Variants in CUBN observed in about 807,000 individuals in gnomAD.
CUBN encodes the protein cubilin.
A neutral mutation model predicts 405.3 loss-of-function variants in CUBN; 282 were observed. That is an observed-to-expected ratio of 0.70 (90% CI 0.63 to 0.77). CUBN has a LOEUF of 0.77. Ranked by LOEUF, CUBN falls within the 30% of genes least tolerant of loss-of-function variation. CUBN has a pLI of 0.00. For synonymous variants in CUBN, 1,684 were observed against 1,617.0 expected (o/e 1.04, Z -0.99); for missense variants, 4,514 against 4,475.2 (o/e 1.01, Z -0.25).
chr10:16,857,580 G>A (rs1839898082), intron 59 of CUBN, among the ~76,000 whole-genome samples: 1 of 152,154 alleles, frequency 6.6e-6, no homozygotes, highest in African/African-American at 2.4e-5. Context: ...AAAATGACAT[G>A]ATCATGTCAG....
chr10:17,123,755 G>T, intron 4 of CUBN, 66 bp from the exon 5 acceptor site: 3 of 1,042,596 alleles, frequency 2.9e-6, no homozygotes, highest in South Asian at 1.3e-5. Flanking sequence ...GCATGTTACC[G>T]TGCACGTGGG....
At position 17,047,577 on chromosome 10, in the gene CUBN, A is replaced by C; in HGVS notation, c.3166T>G (p.Leu1056Val). 1 of 1,614,108 alleles carries C rather than the reference A, an allele frequency of 6.2e-7. No individual in the cohort carries two copies. The highest frequency in any genetic ancestry group is 8.5e-7 in the Non-Finnish European group (1 of 1,179,976). The change falls in exon 23 of 67, where the codon TTG becomes GTG. Residue 1056 changes from leucine (L) to valine (V), a missense_variant. Physicochemically the swap from Leu to Val is conservative, Grantham distance 32. Coordinates refer to ENST00000377833, the MANE Select transcript of CUBN (RefSeq NM_001081.4). ...TACLQDYTDD[L>V]GTFTSPNFPN... ...AAGTTTGGAGAAGTGAATGTCCCCAAATCATCTGTGTAGTCTTGCAAACAT... is the reference window on the plus strand; with the variant it reads ...AAGTTTGGAGAAGTGAATGTCCCCACATCATCTGTGTAGTCTTGCAAACAT...
Position 16,831,333 on chromosome 10 carries a change from T to C in CUBN, c.10447A>G (p.Asn3483Asp). ...CTCTTAAATCGTAGGTATAGTTCAT[T>C]ATTTTGAGAGAAGACAGGGTTTGGC... ...LLPNPVFSQN[N>D]ELYLRFKSDS... is the part of the protein sequence containing the mutation. The change falls in exon 65 of 67, where the codon AAT becomes GAT. Residue 3483 changes from asparagine to aspartate, a missense_variant. Asn to Asp is a conservative substitution (Grantham distance 23, BLOSUM62 1). Transcript: ENST00000377833. The C allele has an allele frequency of 6.2e-7, 1 of 1,614,050 alleles. No individual in the cohort carries two copies.
rs780803536 is a variant in CUBN, at chr10:17,109,687, A to G, written c.1064T>C (p.Val355Ala). 1 of 1,613,952 alleles carries G rather than the reference A, an allele frequency of 6.2e-7. No individual in the cohort carries two copies. Residue 355 changes from valine (V) to alanine (A), a missense_variant, in exon 10 of 67, where the codon GTC (valine) becomes GCC (alanine). Around this residue, in one of 5 missense-constraint regions of CUBN, gnomAD observed 1,448 missense variants for 1,388.0 expected, o/e 1.04. Coordinates refer to ENST00000377833, the MANE Select transcript of CUBN (RefSeq NM_001081.4). ...ATCTGGGTGGCAGCCTCCATTACTGACTGAGCAGATGTCTGTGAGTGTGCA... is the reference window on the plus strand; with the variant it reads ...ATCTGGGTGGCAGCCTCCATTACTGGCTGAGCAGATGTCTGTGAGTGTGCA... Reference protein sequence around the residue: ...RVCTLTDICSVSNGGCHPDAS... With the variant: ...RVCTLTDICSASNGGCHPDAS...
intron 17 of CUBN, among the ~76,000 whole-genome samples, chr10:17,082,554 A>G (rs1835996592): frequency 6.6e-6 from 1 of 152,184 alleles, no homozygotes; most frequent in Non-Finnish European, 1.5e-5. Context: ...GCTTTAACAG[A>G]AAGGGCCCCA....
chr10:17,121,709 T>TA (rs915679285), intron 6 of CUBN, among the ~76,000 whole-genome samples: 26 of 151,772 alleles, frequency 1.7e-4, no homozygotes, highest in African/African-American at 4.3e-4. Context: ...TAATAAAATT[T>TA]AAAAAAAATA....
intron 40 of CUBN, among the ~76,000 whole-genome samples, chr10:16,932,074 G>A (rs1054546359): frequency 2.0e-5 from 3 of 152,124 alleles, no homozygotes; most frequent in Non-Finnish European, 2.9e-5. Context: ...GCTGATAGCC[G>A]ATTGCTGATG....
rs916715412 is a variant in CUBN, at chr10:16,876,265, C to G, written c.9106+632G>C. Among the ~76,000 whole-genome samples the G allele has an allele frequency of 3.3e-5, 5 of 152,138 alleles. No individual in the cohort carries two copies. In the East Asian group the frequency reaches 9.6e-4, roughly 29 times the overall value. On this transcript the variant is annotated intron_variant, in intron 57 of 66. Transcript: ENST00000377833. ...GCATAAATATTGTCAGCAAACTAAC[C>G]AGGCAGGAGGGGAAAAGACTATTCA... is the stretch of plus-strand genomic sequence containing the variant.
chr10:17,108,487 T>C (rs2131305822), intron 10 of CUBN, among the ~76,000 whole-genome samples: 1 of 152,176 alleles, frequency 6.6e-6, no homozygotes, highest in Admixed American at 6.5e-5. Context: ...TATCTTGAAA[T>C]AGCAAGAGAC....
chr10:16,908,578 T>C (rs1841624536), intron 48 of CUBN, among the ~76,000 whole-genome samples: 1 of 152,220 alleles, frequency 6.6e-6, no homozygotes, highest in African/African-American at 2.4e-5. Flanking sequence ...TTTCCAATAA[T>C]GGATTATTAT....
Position 17,084,285 on chromosome 10 carries a change from G to A in CUBN, c.2287C>T (p.Gln763Ter), listed in dbSNP as rs765333104. 6.2e-7 allele frequency: 1 copy of A among 1,614,018 alleles called. No homozygotes were observed. The highest frequency in any genetic ancestry group is 8.5e-7 in the Non-Finnish European group (1 of 1,180,000). The stretch of plus-strand genomic sequence containing the variant: ...GTGAAAGTTACCTCAATGTAATTCT[G>A]AGAACTGTCACTCTGGCATTGCAGC... ...VELQCQSDSSQNYIEVRDGET... is the reference protein window; with the variant it reads ...VELQCQSDSS The change falls in exon 17 of 67, where the codon CAG becomes TAG. Residue 763 changes from glutamine to a stop codon, truncating the protein, a stop_gained. Transcript: ENST00000377833. LOFTEE classifies it high-confidence loss of function.
At chr10:16,831,219 A>G (rs1176100182) in intron 65 of CUBN, 33 bp downstream of exon 65, 1 of 1,606,070 alleles carries the variant, frequency 6.2e-7, no homozygotes, top group South Asian at 1.1e-5. Flanking sequence ...TTTTTCTCAC[A>G]GTGCTTTCCT....
Position 17,048,029 on chromosome 10 carries a change from G to A in CUBN, c.3140-426C>T, listed in dbSNP as rs148304472. 1.1e-4 allele frequency among the ~76,000 whole-genome samples: 17 copies of A among 152,286 alleles called. No individual in the cohort carries two copies. In the East Asian group the frequency reaches 2.5e-3, roughly 22 times the overall value. ...ATGACAAAGCAGGTACCTCCACCACGGGGTGAAGAATAAGGGCCCAGGCTC... is the reference window on the plus strand; with the variant it reads ...ATGACAAAGCAGGTACCTCCACCACAGGGTGAAGAATAAGGGCCCAGGCTC... On this transcript the variant is annotated intron_variant, in intron 22 of 66. Transcript: ENST00000377833.
chr10:17,074,522 C>T (rs1033492412), intron 17 of CUBN, among the ~76,000 whole-genome samples: 1 of 152,164 alleles, frequency 6.6e-6, no homozygotes, highest in Non-Finnish European at 1.5e-5. Flanking sequence ...ATATTAAGCG[C>T]AAAGTAGTTT....
chr10:17,103,335 A>G, intron 12 of CUBN, 98 bp from the exon 13 acceptor site: 3 of 770,768 alleles, frequency 3.9e-6, no homozygotes, highest in Non-Finnish European at 6.9e-6. Context: ...AGAAAATTTG[A>G]GTAATGAAGG....
intron 33 of CUBN, among the ~76,000 whole-genome samples, chr10:16,950,347 G>A (rs1307671508): frequency 6.6e-6 from 1 of 152,148 alleles, no homozygotes; most frequent in Non-Finnish European, 1.5e-5. Flanking sequence ...AATGCTTGAA[G>A]GGATGGATAC....
At chr10:17,057,568 C>T (rs1588616024) in intron 22 of CUBN, among the ~76,000 whole-genome samples, 1 of 152,084 alleles carries the variant, frequency 6.6e-6, no homozygotes, top group East Asian at 1.9e-4. Context: ...CATATCATTA[C>T]CATATGAGAC....
At chr10:17,067,414 GA>G (rs1166419007) in intron 21 of CUBN, among the ~76,000 whole-genome samples, 1 of 152,048 alleles carries the variant, frequency 6.6e-6, no homozygotes, top group Non-Finnish European at 1.5e-5. Flanking sequence ...CATTGCATAA[GA>G]AAAGATGAGT....
intron 35 of CUBN, 99 bp from the exon 36 acceptor site, chr10:16,947,466 A>G: frequency 8.2e-7 from 1 of 1,215,778 alleles, no homozygotes; most frequent in Non-Finnish European, 1.2e-6. Context: ...TCAATGTAAA[A>G]GAATAGATAG....
Sources: allele counts gnomAD v4.1 joint callset (sites outside exome capture counted in the v4.1 genomes callset), GRCh38; gene constraint gnomAD v4.1.1; regional missense constraint gnomAD v4.1.1; transcripts MANE v1.5; gene names NCBI Gene and HGNC (gene_info 2026-07-23, HGNC 2026-07-21).